The following ANKRD36C variants were observed in gnomAD, a reference collection of about 807,000 sequenced individuals.
ANKRD36C encodes ankyrin repeat domain 36C.
In ANKRD36C, 61 loss-of-function variants were observed where a neutral mutation model predicts 276.4. That is an observed-to-expected ratio of 0.22 (90% CI 0.18 to 0.27). The LOEUF (loss-of-function observed/expected upper bound fraction) is 0.27, where lower values mean the gene tolerates loss of function less well. Among genes scored for constraint, ANKRD36C ranks in the 10% least tolerant of loss-of-function variants. ANKRD36C has a pLI of 1.00. For missense variants in ANKRD36C, 1,447 were observed against 2,032.3 expected (o/e 0.71, Z 5.54); for synonymous variants, 483 against 680.1 (o/e 0.71, Z 4.51).
exon 66 of ANKRD36C, chr2:95,851,752 A>G: frequency 6.5e-7 from 1 of 1,534,224 alleles, no homozygotes; most frequent in Non-Finnish European, 8.8e-7. Flanking sequence ...CTGTTTTTTA[A>G]TAATTTTTCT....
rs1231935416 is a variant in ANKRD36C, at chr2:95,891,685, T to C, written c.2837A>G (p.His946Arg). The C allele has an allele frequency of 2.5e-6, 4 of 1,570,130 alleles. No homozygotes were observed. In the South Asian group the frequency reaches 3.5e-5, roughly 14 times the overall value. ...ATTACCTCTCCTAGTTTTTTCTCCA[T>C]GCTTTTTTCCTCTGGCTATATTCAA... Residue 946 changes from histidine (H) to arginine (R), a missense_variant, in exon 46 of 67, where the codon CAT (histidine) becomes CGT (arginine). By Grantham distance (29) the His-to-Arg change is conservative. Coordinates refer to ENST00000456556, the Ensembl canonical transcript of ANKRD36C.
chr2:95,873,549 A>C (rs937270381), intron 59 of ANKRD36C, among the ~76,000 whole-genome samples: 1 of 152,196 alleles, frequency 6.6e-6, no homozygotes, highest in Non-Finnish European at 1.5e-5. Context: ...TGACAAACCC[A>C]CAGCCAATAT....
At chr2:95,862,891 C>A (rs1416578754) in intron 60 of ANKRD36C, among the ~76,000 whole-genome samples, 1 of 151,920 alleles carries the variant, frequency 6.6e-6, no homozygotes, top group African/African-American at 2.4e-5. Context: ...CATTCATGAA[C>A]TAGGACGTGT....
exon 60 of ANKRD36C, chr2:95,867,502 G>A (rs1457734257): frequency 1.8e-5 from 26 of 1,412,572 alleles, no homozygotes; most frequent in Admixed American, 4.0e-5. Flanking sequence ...ACAGCAAAGC[G>A]AGTCACCGTC....
In ANKRD36C at chr2:95,983,029, C is replaced by A. The variant is rs139707624; in HGVS notation, c.487-667G>T. On this transcript the variant is annotated intron_variant, in intron 3 of 66. Transcript: ENST00000456556. ...AGTTTCAGGGATACAGTTGTGAGAG[C>A]TTACCAGTAAAGGTGGAGGTTTCCT... Among the ~76,000 whole-genome samples the A allele has an allele frequency of 2.2e-3, 327 of 151,840 alleles. 2 individuals carry two copies. The highest frequency in any genetic ancestry group is 7.5e-3 in the African/African-American group (312 of 41,470).
chr2:95,890,269 G>A (rs544881933), intron 46 of ANKRD36C, among the ~76,000 whole-genome samples: 28 of 151,596 alleles, frequency 1.8e-4, no homozygotes, highest in African/African-American at 6.3e-4. Flanking sequence ...ATGTCGATAT[G>A]CCGAGTGATG....
chr2:95,914,041 T>G (rs547413601), intron 40 of ANKRD36C, 67 bp downstream of exon 42: 1 of 1,444,646 alleles, frequency 6.9e-7, no homozygotes, highest in African/African-American at 1.4e-5. Flanking sequence ...CCCGCTGATT[T>G]CTTCAGGGAA....
At chr2:95,987,868 G>A (rs1007779985) in intron 1 of ANKRD36C, among the ~76,000 whole-genome samples, 6 of 151,634 alleles carry the variant, frequency 4.0e-5, no homozygotes, top group South Asian at 4.1e-4. Context: ...TAGATGTATC[G>A]TTGTATTTCA....
At chr2:95,973,240 C>T (rs565791328) in intron 6 of ANKRD36C, among the ~76,000 whole-genome samples, 2 of 152,064 alleles carry the variant, frequency 1.3e-5, no homozygotes, top group East Asian at 1.9e-4. Flanking sequence ...GGTGAAACCC[C>T]GTCTCTACTA....
At chr2:95,974,217 C>T in intron 6 of ANKRD36C, among the ~76,000 whole-genome samples, 1 of 152,178 alleles carries the variant, frequency 6.6e-6, no homozygotes, top group Non-Finnish European at 1.5e-5. Context: ...TTAAAAGACA[C>T]CTTAAGTGTC....
chr2:95,882,226 T>C (rs1400988843), intron 56 of ANKRD36C, 76 bp downstream of exon 76: 1 of 1,517,154 alleles, frequency 6.6e-7, no homozygotes, highest in Non-Finnish European at 8.9e-7. Context: ...ATGAGCCCCC[T>C]GCTGATCTAT....
chr2:95,990,800 T>G (rs1156789599), intron 1 of ANKRD36C, among the ~76,000 whole-genome samples: 1 of 152,208 alleles, frequency 6.6e-6, no homozygotes, highest in Non-Finnish European at 1.5e-5. Context: ...AAAGAATTTT[T>G]AGTCAGGAAG....
intron 10 of ANKRD36C, among the ~76,000 whole-genome samples, chr2:95,959,601 G>T (rs949430104): frequency 6.6e-6 from 1 of 151,958 alleles, no homozygotes; most frequent in African/African-American, 2.4e-5. Flanking sequence ...ACCACTTTAG[G>T]AGTCAATTAA....
exon 4 of ANKRD36C, chr2:95,982,362 C>T: frequency 6.5e-7 from 1 of 1,537,274 alleles, no homozygotes; most frequent in Non-Finnish European, 8.8e-7. Context: ...GGATATTCAT[C>T]CTGTAAAATA....
At chr2:95,872,235 C>T (rs1344247561) in intron 59 of ANKRD36C, among the ~76,000 whole-genome samples, 1 of 141,750 alleles carries the variant, frequency 7.1e-6, no homozygotes, top group African/African-American at 2.6e-5. Context: ...CACCACACCA[C>T]ACCTATTCCA....
At chr2:95,902,204 C>A (rs1676674281) in intron 42 of ANKRD36C, among the ~76,000 whole-genome samples, 1 of 149,496 alleles carries the variant, frequency 6.7e-6, no homozygotes, top group East Asian at 2.0e-4. Flanking sequence ...AAACATGTAT[C>A]TCTGATGCCT....
In ANKRD36C at chr2:95,889,879, G is replaced by C. The variant is rs757596878; in HGVS notation, c.2887-8C>G. The C allele has an allele frequency of 6.2e-7, 1 of 1,606,390 alleles. No individual in the cohort carries two copies. Among genetic ancestry groups the C allele is most frequent in the South Asian group, 1.1e-5 (1 of 90,452 alleles). ...TTCCTTGTCACTTGTAGCCTGAATG[G>C]AATTTGAAACACAACAGTCAATAAA... On this transcript the variant is annotated splice_polypyrimidine_tract_variant and splice_region_variant and intron_variant, in intron 47 of 66. Coordinates refer to ENST00000456556, the Ensembl canonical transcript of ANKRD36C.
chr2:95,982,597 C>G (rs963374173), intron 3 of ANKRD36C, among the ~76,000 whole-genome samples: 1 of 114,394 alleles, frequency 8.7e-6, no homozygotes, highest in Admixed American at 1.0e-4. Flanking sequence ...TCAAACATTT[C>G]CCAGTTCCAA....
chr2:95,878,741 A>T (rs915366049), intron 58 of ANKRD36C, among the ~76,000 whole-genome samples: 2 of 152,174 alleles, frequency 1.3e-5, no homozygotes, highest in African/African-American at 4.8e-5. Context: ...CAGAAATGCA[A>T]ATCAAAGCTA....
Sources: allele counts gnomAD v4.1 joint callset (sites outside exome capture counted in the v4.1 genomes callset), GRCh38; gene constraint gnomAD v4.1.1; transcripts MANE v1.5; gene names NCBI Gene and HGNC (gene_info 2026-07-23, HGNC 2026-07-21).